The following SLIT3 variants were observed in gnomAD, a reference collection of about 807,000 sequenced individuals.
SLIT3 encodes slit guidance ligand 3, also known as slit homolog 3 protein.
SLIT3 carries 68 observed loss-of-function variants against 184.0 expected under a neutral mutation model. That is an observed-to-expected ratio of 0.37 (90% CI 0.30 to 0.45). SLIT3 has a LOEUF of 0.45. Ranked by LOEUF, SLIT3 falls within the 20% of genes least tolerant of loss-of-function variation. SLIT3 has a pLI of 1.00. For synonymous variants in SLIT3, 831 were observed against 828.6 expected (o/e 1.00, Z -0.05); for missense variants, 1,707 against 2,026.0 (o/e 0.84, Z 3.02).
rs1171337272 is a variant in SLIT3, at chr5:169,280,286, T to C, written c.197+20227A>G. 3.9e-5 allele frequency among the ~76,000 whole-genome samples: 6 copies of C among 152,258 alleles called. 1 individual carries two copies. The highest frequency in any genetic ancestry group is 4.1e-4 in the South Asian group (2 of 4,836). On this transcript the variant is annotated intron_variant, in intron 1 of 35. Coordinates refer to ENST00000519560, the MANE Select transcript of SLIT3 (RefSeq NM_003062.4). ...CAGGATCAAATGCTTTTGGTCCCAC[T>C]GAGTGCAGTATCCTTAGCCATGTGG...
At chr5:169,176,482 G>A (rs1762989025) in intron 4 of SLIT3, among the ~76,000 whole-genome samples, 1 of 152,210 alleles carries the variant, frequency 6.6e-6, no homozygotes, top group Admixed American at 6.5e-5. Context: ...AAGCAATACA[G>A]AGTAAGTGAT....
At chr5:169,029,603 T>TTTTG (rs919897118) in intron 4 of SLIT3, among the ~76,000 whole-genome samples, 1 of 152,242 alleles carries the variant, frequency 6.6e-6, no homozygotes, top group Admixed American at 6.5e-5. Flanking sequence ...AGAATACATT[T>TTTTG]TTTGTTTGTT....
chr5:168,952,679 CAAAG>C (rs1561570240), intron 4 of SLIT3, among the ~76,000 whole-genome samples: 1 of 151,274 alleles, frequency 6.6e-6, no homozygotes, highest in East Asian at 1.9e-4. Context: ...TGAGAGGAAA[CAAAG>C]AGAGTGGACA....
chr5:168,789,835 T>A (rs1756295560), intron 10 of SLIT3: 2 of 541,890 alleles, frequency 3.7e-6, no homozygotes, highest in African/African-American at 3.8e-5. Flanking sequence ...CACATTTACA[T>A]CACTCTTCTT....
chr5:168,976,967 G>C (rs771164019), intron 4 of SLIT3, among the ~76,000 whole-genome samples: 42 of 152,136 alleles, frequency 2.8e-4, no homozygotes, highest in Non-Finnish European at 4.9e-4. Context: ...CACAGAGCTG[G>C]GGTGGGGGCT....
intron 1 of SLIT3, among the ~76,000 whole-genome samples, chr5:169,259,661 C>T (rs1766097912): frequency 6.6e-6 from 1 of 152,128 alleles, no homozygotes; most frequent in Admixed American, 6.6e-5. Flanking sequence ...TTCCTTATTA[C>T]AAGGCTATGC....
chr5:168,831,537 A>G (rs1206691557), intron 6 of SLIT3, among the ~76,000 whole-genome samples: 7 of 152,234 alleles, frequency 4.6e-5, no homozygotes. Context: ...TGATCTCACA[A>G]GGGGCCTTAT....
Position 168,913,634 on chromosome 5 carries a change from C to T in SLIT3, c.414-30298G>A, listed in dbSNP as rs1006213996. ...GCAGGCGCCTGTAATCCCATCTACT[C>T]GGGAGGCTGAGGCAGGAGATCGCTT... On this transcript the variant is annotated intron_variant, in intron 4 of 35. Transcript: ENST00000519560. Among the ~76,000 whole-genome samples the T allele has an allele frequency of 9.3e-5, 14 of 150,910 alleles. No individual in the cohort carries two copies. In the South Asian group the frequency reaches 1.3e-3, roughly 14 times the overall value.
At position 168,785,771 on chromosome 5, in the gene SLIT3, C is replaced by T. The variant is rs371699258; in HGVS notation, c.1151+136G>A. On this transcript the variant is annotated intron_variant, in intron 12 of 35. Transcript: ENST00000519560. ...ATAAAAATAGGAAACGGAGGTGAAG[C>T]GTGGACAGCTCAAACATTTTTTTCT... 8.4e-4 allele frequency: 552 copies of T among 654,370 alleles called. 4 individuals carry two copies. The African/African-American group carries it at 9.1e-3, about 11-fold the overall frequency. The allele number at this position is 654,370 out of a possible 1,614,324, so 40.5% of individuals were successfully genotyped here.
intron 4 of SLIT3, among the ~76,000 whole-genome samples, chr5:168,936,333 C>A (rs566734098): frequency 6.6e-6 from 1 of 152,304 alleles, no homozygotes; most frequent in African/African-American, 2.4e-5. Flanking sequence ...CTCCTGGGTT[C>A]AAGTGATTCT....
chr5:169,205,079 T>C lies in SLIT3; in HGVS notation c.342-11529A>G, dbSNP rs1225798274. Among the ~76,000 whole-genome samples the C allele has an allele frequency of 2.0e-5, 3 of 152,082 alleles. 1 individual carries two copies. In the East Asian group the frequency reaches 5.8e-4, roughly 29 times the overall value. On this transcript the variant is annotated intron_variant, in intron 3 of 35. Transcript: ENST00000519560. ...AATGTGCTGAGAGCAATTATGAAAA[T>C]GAGCCATGAAATCTATGCTGAGTAA...
rs143988233 is a variant in SLIT3, at chr5:168,975,424, C to T, written c.414-92088G>A. 6.1e-3 allele frequency among the ~76,000 whole-genome samples: 933 copies of T among 152,196 alleles called. 10 individuals are homozygous for T. The highest frequency in any genetic ancestry group is 0.022 in the African/African-American group (900 of 41,526). ...ATGTCAGTCCAGCCAGGAAATCCAA[C>T]CCCTTTTCCTTCATTTGTGAACATA... On this transcript the variant is annotated intron_variant, in intron 4 of 35. Transcript: ENST00000519560.
chr5:169,050,086 G>A (rs542249974), intron 4 of SLIT3, among the ~76,000 whole-genome samples: 3 of 152,076 alleles, frequency 2.0e-5, no homozygotes, highest in Non-Finnish European at 4.4e-5. Context: ...TAGGAAGAGG[G>A]GTGCGTTTTC....
At chr5:169,254,184 T>C (rs993681932) in intron 1 of SLIT3, among the ~76,000 whole-genome samples, 1 of 152,194 alleles carries the variant, frequency 6.6e-6, no homozygotes, top group Admixed American at 6.5e-5. Flanking sequence ...TTGCAGGCCA[T>C]AGGATGATGA....
chr5:169,259,954 A>T (rs1766107775), intron 1 of SLIT3, among the ~76,000 whole-genome samples: 1 of 152,158 alleles, frequency 6.6e-6, no homozygotes, highest in African/African-American at 2.4e-5. Flanking sequence ...CACCAAGGGG[A>T]GTAGACAAGC....
chr5:169,051,287 T>C (rs1048389180), intron 4 of SLIT3, among the ~76,000 whole-genome samples: 1 of 143,780 alleles, frequency 7.0e-6, no homozygotes, highest in African/African-American at 2.5e-5. Context: ...ATTTCTAGCC[T>C]TTTTTTTTTT....
At chr5:168,749,169 G>A (rs182632071) in intron 19 of SLIT3, among the ~76,000 whole-genome samples, 263 of 152,374 alleles carry the variant, frequency 1.7e-3, no homozygotes, top group African/African-American at 6.3e-3. Flanking sequence ...TGGTACAACA[G>A]TGTTCTCATA....
chr5:168,804,916 C>T (rs1463305094), intron 9 of SLIT3, among the ~76,000 whole-genome samples: 1 of 152,218 alleles, frequency 6.6e-6, no homozygotes, highest in Non-Finnish European at 1.5e-5. Flanking sequence ...TCCAGCCACA[C>T]TGGCCTTCTG....
intron 3 of SLIT3, among the ~76,000 whole-genome samples, chr5:169,231,903 A>T (rs75131085): frequency 0.049 from 7,386 of 152,236 alleles, 223 homozygotes; most frequent in Middle Eastern, 0.1. Context: ...TATTTCCCTA[A>T]AGACTAATGA....
Sources: allele counts gnomAD v4.1 joint callset (sites outside exome capture counted in the v4.1 genomes callset), GRCh38; gene constraint gnomAD v4.1.1; transcripts MANE v1.5; gene names NCBI Gene and HGNC (gene_info 2026-07-23, HGNC 2026-07-21).